Variants in NCALD observed in about 807,000 individuals in gnomAD.
The protein encoded by NCALD is neurocalcin delta.
A neutral mutation model predicts 18.6 loss-of-function variants in NCALD; 10 were observed. That is an observed-to-expected ratio of 0.54 (90% CI 0.33 to 0.91). The LOEUF is 0.91. NCALD is among the 40% of genes least tolerant of loss of function. The pLI is 0.03. For missense variants in NCALD, 184 were observed against 247.6 expected (o/e 0.74, Z 1.72); for synonymous variants, 88 against 87.4 (o/e 1.01, Z -0.04).
At chr8:101,827,829 C>T (rs1441385569) in intron 4 of NCALD, among the ~76,000 whole-genome samples, 2 of 152,076 alleles carry the variant, frequency 1.3e-5, no homozygotes, top group Non-Finnish European at 2.9e-5. Context: ...TCCTTTAATC[C>T]TTAAGTAACT....
chr8:101,691,953 A>C, intron 3 of NCALD: 2 of 985,432 alleles, frequency 2.0e-6, no homozygotes, highest in Middle Eastern at 5.2e-4. Context: ...TGAGCTCTTT[A>C]AACTCAAGTA....
At chr8:101,747,187 G>A (rs1586385651) in intron 1 of NCALD, among the ~76,000 whole-genome samples, 1 of 88,220 alleles carries the variant, frequency 1.1e-5, no homozygotes, top group African/African-American at 2.7e-5. Flanking sequence ...TGTCCTTCTG[G>A]CGTCTTCTCC....
intron 4 of NCALD, among the ~76,000 whole-genome samples, chr8:101,867,792 G>T (rs955404245): frequency 6.6e-6 from 1 of 151,946 alleles, no homozygotes. Flanking sequence ...TGAATTTTTC[G>T]GCTTTGGGTA....
intron 4 of NCALD, among the ~76,000 whole-genome samples, chr8:101,802,842 C>T (rs1195959627): frequency 3.5e-5 from 5 of 142,912 alleles, no homozygotes; most frequent in African/African-American, 1.3e-4. Context: ...CTCGGGTCCC[C>T]TTCCACGCTG....
upstream of NCALD, among the ~76,000 whole-genome samples, chr8:101,793,734 A>G (rs1024221310): frequency 1.3e-5 from 2 of 152,228 alleles, no homozygotes; most frequent in Non-Finnish European, 2.9e-5. Flanking sequence ...TAAGGTGAAA[A>G]TGATTCACCA....
intron 4 of NCALD, among the ~76,000 whole-genome samples, chr8:101,880,877 A>G (rs2131458537): frequency 6.6e-6 from 1 of 152,312 alleles, no homozygotes; most frequent in Middle Eastern, 3.4e-3. Context: ...GACAAGGCAA[A>G]GGGAGGTAAT....
intron 2 of NCALD, among the ~76,000 whole-genome samples, chr8:101,717,263 A>C (rs973754223): frequency 3.3e-5 from 5 of 152,206 alleles, no homozygotes; most frequent in Admixed American, 6.5e-5. Context: ...CTAAAGCTAA[A>C]CCACAGGAAG....
intron 1 of NCALD, among the ~76,000 whole-genome samples, chr8:102,075,665 T>G (rs1343958991): frequency 6.6e-6 from 1 of 152,174 alleles, no homozygotes; most frequent in Non-Finnish European, 1.5e-5. Flanking sequence ...TGAAAATGTT[T>G]CCACGTTGGC....
intron 1 of NCALD, among the ~76,000 whole-genome samples, chr8:102,082,506 T>C (rs976411668): frequency 1.3e-5 from 2 of 152,118 alleles, no homozygotes; most frequent in African/African-American, 4.8e-5. Context: ...CTAAAATACA[T>C]GTGGAGCATC....
intron 2 of NCALD, among the ~76,000 whole-genome samples, chr8:101,966,900 CACCCATT>C: frequency 6.6e-6 from 1 of 152,150 alleles, no homozygotes; most frequent in African/African-American, 2.4e-5. Context: ...CAAGAGAATG[CACCCATT>C]AAAAGTCATG....
chr8:102,088,728 CCT>C (rs1411711177), intron 1 of NCALD, among the ~76,000 whole-genome samples: 2 of 152,114 alleles, frequency 1.3e-5, no homozygotes, highest in Non-Finnish European at 2.9e-5. Flanking sequence ...AAACAAAAAA[CCT>C]CTGTTTTCCT....
At chr8:101,929,183 A>T (rs999592651) in intron 2 of NCALD, among the ~76,000 whole-genome samples, 1 of 146,458 alleles carries the variant, frequency 6.8e-6, no homozygotes, top group Non-Finnish European at 1.5e-5. Flanking sequence ...GAAATCAAGA[A>T]CCCAGGTGAA....
intron 2 of NCALD, among the ~76,000 whole-genome samples, chr8:101,918,608 C>A (rs1412173513): frequency 6.6e-6 from 1 of 152,100 alleles, no homozygotes; most frequent in African/African-American, 2.4e-5. Flanking sequence ...TGTCCAAAGG[C>A]TCCTGCAACT....
At chr8:101,748,947 C>G (rs549353196) in intron 1 of NCALD, among the ~76,000 whole-genome samples, 41 of 152,286 alleles carry the variant, frequency 2.7e-4, no homozygotes, top group African/African-American at 9.6e-4. Flanking sequence ...AATCACTGTG[C>G]AATATGAGTG....
intron 3 of NCALD, chr8:101,691,674 C>T: frequency 1.0e-6 from 1 of 985,342 alleles, no homozygotes; most frequent in Non-Finnish European, 1.2e-6. Context: ...AGGATGTTTC[C>T]AAATGGAATG....
At chr8:101,925,324 C>G (rs1441014256) in intron 2 of NCALD, among the ~76,000 whole-genome samples, 4 of 152,054 alleles carry the variant, frequency 2.6e-5, no homozygotes, top group Non-Finnish European at 5.9e-5. Context: ...AACATTTATT[C>G]AGCATCCACC....
chr8:102,014,216 T>A (rs959344578), intron 2 of NCALD, among the ~76,000 whole-genome samples: 1 of 152,194 alleles, frequency 6.6e-6, no homozygotes, highest in Non-Finnish European at 1.5e-5. Context: ...GGCTGGGAAG[T>A]CTCAGATCAA....
rs180966620 is a variant in NCALD at position 101,949,998 on chromosome 8, G to A, written c.-156-34140C>T. On this transcript the variant is annotated intron_variant, in intron 2 of 6. Transcript: ENST00000311028. ...ACCAGGCAACAAGGGGCTCTGAGCA[G>A]CACGTAATTAAAGCCGGAGCAGCTG... Among the ~76,000 whole-genome samples the A allele has an allele frequency of 4.3e-3, 661 of 152,292 alleles. 1 individual carries two copies. Among genetic ancestry groups the A allele is most frequent in the Non-Finnish European group, 7.3e-3 (495 of 68,028 alleles).
intron 2 of NCALD, among the ~76,000 whole-genome samples, chr8:101,957,288 G>GTTTTTT (rs1563932101): frequency 1.6e-5 from 2 of 128,250 alleles, no homozygotes; most frequent in African/African-American, 6.2e-5. Flanking sequence ...GAAAAGTTGG[G>GTTTTTT]GTTTTTTTTT....
Sources: gnomAD v4.1 joint callset for allele counts (sites outside exome capture counted in the v4.1 genomes callset) on GRCh38, gnomAD v4.1.1 for gene constraint, MANE v1.5 for transcripts, NCBI Gene and HGNC (gene_info 2026-07-23, HGNC 2026-07-21) for gene names.